TMPRSS6: variants seen among roughly 807,000 people sequenced by gnomAD.
The protein encoded by TMPRSS6 is transmembrane protease serine 6.
In TMPRSS6, 67 loss-of-function variants were observed where a neutral mutation model predicts 101.5. The observed-to-expected ratio is 0.66, with a 90% confidence interval of 0.54 to 0.81. TMPRSS6 has a LOEUF of 0.81. Ranked by LOEUF, TMPRSS6 falls within the 30% of genes least tolerant of loss-of-function variation. The pLI, the probability that TMPRSS6 is intolerant of heterozygous loss-of-function variation, is 0.00. For missense variants in TMPRSS6, 1,034 were observed against 1,088.7 expected (o/e 0.95, Z 0.71); for synonymous variants, 453 against 464.9 (o/e 0.97, Z 0.33).
At chr22:37,068,882 G>A (rs924460683) in intron 16 of TMPRSS6, among the ~76,000 whole-genome samples, 191 bp downstream of exon 16, 17 of 152,236 alleles carry the variant, frequency 1.1e-4, no homozygotes, top group Admixed American at 4.6e-4. Context: ...GGAGGGGAGG[G>A]GCAGGGGCCT....
intron 16 of TMPRSS6, among the ~76,000 whole-genome samples, chr22:37,067,252 C>A (rs1926391894): frequency 6.6e-6 from 1 of 152,154 alleles, no homozygotes; most frequent in South Asian, 2.1e-4. Flanking sequence ...GGACGGAACA[C>A]CTGAGGTCAA....
In TMPRSS6 at chr22:37,069,972, G is replaced by A. The variant is rs993642366; in HGVS notation, c.1841+512C>T. On this transcript the variant is annotated intron_variant, in intron 15 of 17. Coordinates refer to ENST00000676104, the MANE Select transcript of TMPRSS6 (RefSeq NM_001374504.1). The surrounding 1 kb of genome is among the most constrained non-coding windows in gnomAD (Gnocchi z 4.8). Reference sequence around the variant, plus strand: ...AAGGGGATCCCTGTGCAGGGCCTGGGGGCGGGATCTGGAGCCCAGATCTGT... The same window carrying A: ...AAGGGGATCCCTGTGCAGGGCCTGGAGGCGGGATCTGGAGCCCAGATCTGT... Among the ~76,000 whole-genome samples, 4 of 152,172 alleles carry A rather than the reference G, an allele frequency of 2.6e-5. No homozygotes were observed. The highest frequency in any genetic ancestry group is 4.1e-4 in the South Asian group (2 of 4,834).
chr22:37,084,216 T>A, intron 10 of TMPRSS6, 79 bp downstream of exon 10: 1 of 1,247,606 alleles, frequency 8.0e-7, no homozygotes, highest in Non-Finnish European at 1.1e-6. Context: ...GGGCTTCCAA[T>A]GAGGGGGTCA....
At chr22:37,100,213 T>G (rs557541802) in intron 2 of TMPRSS6, among the ~76,000 whole-genome samples, 11 of 152,248 alleles carry the variant, frequency 7.2e-5, no homozygotes, top group Non-Finnish European at 1.5e-4. Flanking sequence ...GTGATCCATC[T>G]GCCTCGGCCT....
intron 10 of TMPRSS6, chr22:37,083,106 C>G (rs201206875): frequency 2.3e-5 from 11 of 470,654 alleles, no homozygotes; most frequent in Non-Finnish European, 4.4e-5. Flanking sequence ...CAAGAAATGA[C>G]AAATCTTTCA....
At chr22:37,100,576 A>C (rs1007490587) in intron 2 of TMPRSS6, among the ~76,000 whole-genome samples, 2 of 152,194 alleles carry the variant, frequency 1.3e-5, no homozygotes, top group Non-Finnish European at 1.5e-5. Context: ...GCCAGAAAGA[A>C]GTGGTCTTGG....
Position 37,103,322 on chromosome 22 carries a change from C to G in TMPRSS6, c.96G>C (p.Glu32Asp). The G allele has an allele frequency of 6.2e-7, 1 of 1,614,220 alleles. No homozygotes were observed. The highest frequency in any genetic ancestry group is 8.5e-7 in the Non-Finnish European group (1 of 1,180,042). Residue 32 changes from glutamate (E) to aspartate (D), a missense_variant, in exon 2 of 18, where the codon GAG (glutamate) becomes GAC (aspartate). Glu to Asp is a conservative substitution (Grantham distance 45). Coordinates refer to ENST00000676104, the MANE Select transcript of TMPRSS6 (RefSeq NM_001374504.1). The surrounding 1 kb of genome is among the most constrained non-coding windows in gnomAD (Gnocchi z 4.4). ...AGCCCCGGGCTTTTCTCTTGGAGTCCTCACAGGCCTTGAACATCCCCTCCG... is the reference window on the plus strand; with the variant it reads ...AGCCCCGGGCTTTTCTCTTGGAGTCGTCACAGGCCTTGAACATCCCCTCCG... ...AEPEGMFKAC[E>D]DSKRKARGYL...
chr22:37,089,773 C>T lies in TMPRSS6; in HGVS notation c.641G>A (p.Arg214His), dbSNP rs749106338. The T allele has an allele frequency of 1.9e-5, 30 of 1,611,906 alleles. No homozygotes were observed. The highest frequency in any genetic ancestry group is 4.5e-5 in the East Asian group (2 of 44,858). Residue 214 changes from arginine (R) to histidine (H), a missense_variant, in exon 7 of 18, where the codon CGC (arginine) becomes CAC (histidine). By Grantham distance (29) the Arg-to-His change is conservative (BLOSUM62 0). Coordinates refer to ENST00000676104, the MANE Select transcript of TMPRSS6 (RefSeq NM_001374504.1). ...AALNSTLGCYRYSYVGQGQVL... is the reference protein window; with the variant it reads ...AALNSTLGCYHYSYVGQGQVL... ...CTGGCCCTGGCCCACGTAGCTGTAG[C>T]GGTAACAACCTGGAGCGGGGAGAGG...
chr22:37,066,706 A>G, intron 17 of TMPRSS6, 120 bp downstream of exon 17: 1 of 1,384,696 alleles, frequency 7.2e-7, no homozygotes, highest in Non-Finnish European at 1.0e-6. Flanking sequence ...GGTGGCCATC[A>G]CCACCTTGCT....
At position 37,066,900 on chromosome 22, in the gene TMPRSS6, C is replaced by T. The variant is rs779531754; in HGVS notation, c.2176G>A (p.Glu726Lys). The change falls in exon 17 of 18, where the codon GAG becomes AAG. Residue 726 changes from glutamate (E) to lysine (K), a missense_variant. By Grantham distance (56) the Glu-to-Lys change is moderately conservative. Transcript: ENST00000676104. ...VQLIPQDLCSEVYRYQVTPRM... is the reference protein window; with the variant it reads ...VQLIPQDLCSKVYRYQVTPRM... ...GGCGTCACCTGGTAGCGATAGACCT[C>T]GCTGCACAGGTCCTGTGGGATCAAC... The T allele has an allele frequency of 1.1e-5, 17 of 1,614,030 alleles. No homozygotes were observed. The highest frequency in any genetic ancestry group is 2.2e-5 in the East Asian group (1 of 44,894).
At chr22:37,067,030 CATT>C (rs62787560) in intron 16 of TMPRSS6, 68 bp from the exon 17 acceptor site, 24,565 of 1,608,618 alleles carry the variant, frequency 0.015, 254 homozygotes, top group African/African-American at 0.038. Flanking sequence ...TTCTCCCTAA[CATT>C]ATTCCCTTTG....
At chr22:37,090,179 G>A (rs909502003) in intron 6 of TMPRSS6, among the ~76,000 whole-genome samples, 35 of 152,352 alleles carry the variant, frequency 2.3e-4, no homozygotes, top group African/African-American at 8.4e-4. Flanking sequence ...TGAGCAAAGA[G>A]GCTGGGGCGA....
At chr22:37,091,273 G>A (rs1051821689) in intron 6 of TMPRSS6, among the ~76,000 whole-genome samples, 2 of 152,208 alleles carry the variant, frequency 1.3e-5, no homozygotes, top group African/African-American at 4.8e-5. Context: ...CCTGGGATGT[G>A]GGAGGCAGCC....
At position 37,098,642 on chromosome 22, in the gene TMPRSS6, G is replaced by A. The variant is rs1930039338; in HGVS notation, c.203-93C>T. 5.7e-6 allele frequency: 9 copies of A among 1,580,244 alleles called. No homozygotes were observed. In the Admixed American group the frequency reaches 1.5e-4, roughly 26 times the overall value. On this transcript the variant is annotated intron_variant, in intron 2 of 17. Transcript: ENST00000676104. ...CCTTCTCCTGCCACCCACACCCTCA[G>A]CTCAGCCTCAGTGTCTTGGGTCTCC... is the stretch of plus-strand genomic sequence containing the variant.
At chr22:37,089,900 G>A in intron 6 of TMPRSS6, 118 bp from the exon 7 acceptor site, 1 of 963,098 alleles carries the variant, frequency 1.0e-6, no homozygotes, top group Non-Finnish European at 1.5e-6. Context: ...GGGGAGCCGG[G>A]TGGGGATAGC....
At chr22:37,096,173 A>G in intron 4 of TMPRSS6, 83 bp from the exon 5 acceptor site, 1 of 1,482,552 alleles carries the variant, frequency 6.7e-7, no homozygotes, top group Non-Finnish European at 9.3e-7. Context: ...CACATCGAGC[A>G]CTTTCCGCAC....
Position 37,070,664 on chromosome 22 carries a change from G to T in TMPRSS6, c.1673-12C>A. The stretch of plus-strand genomic sequence containing the variant: ...CTGGAGGCCACAGTCTGGGGATGGG[G>T]GCAGGTGGTGGGGTGGACAGAGGAG... On this transcript the variant is annotated splice_polypyrimidine_tract_variant and intron_variant, in intron 14 of 17. Transcript: ENST00000676104. 6.2e-7 allele frequency: 1 copy of T among 1,612,094 alleles called. No homozygotes were observed. Among genetic ancestry groups the T allele is most frequent in the East Asian group, 2.2e-5 (1 of 44,840 alleles).
At chr22:37,075,321 T>C in intron 10 of TMPRSS6, 41 bp from the exon 11 acceptor site, 1 of 1,611,058 alleles carries the variant, frequency 6.2e-7, no homozygotes, top group Non-Finnish European at 8.5e-7. Context: ...CACTGGCTGG[T>C]CTCCTGGGTC....
In TMPRSS6 at chr22:37,070,930, T is replaced by C. The variant is rs2146037825; in HGVS notation, c.1658A>G (p.Asp553Gly). ...DGRPDCRDGS[D>G]EEHCDCGLQG... is the part of the protein sequence containing the mutation. ...GCAGGGCTCACCACAGTGCTCCTCA[T>C]CCGAGCCGTCCCTGCAGTCGGGCCG... Residue 553 changes from aspartate to glycine, a missense_variant, in exon 14 of 18, where the codon GAT becomes GGT. Transcript: ENST00000676104. 1 of 1,613,058 alleles carries C rather than the reference T, an allele frequency of 6.2e-7. No homozygotes were observed. Among genetic ancestry groups the C allele is most frequent in the Non-Finnish European group, 8.5e-7 (1 of 1,179,964 alleles).
Sources: gnomAD v4.1 joint callset for allele counts (sites outside exome capture counted in the v4.1 genomes callset) on GRCh38, gnomAD v4.1.1 for gene constraint, Gnocchi (gnomAD v3.1) non-coding constraint, MANE v1.5 for transcripts, NCBI Gene and HGNC (gene_info 2026-07-23, HGNC 2026-07-21) for gene names.